The following OR2L13 variants were observed in gnomAD, a reference collection of about 807,000 sequenced individuals.
The protein encoded by OR2L13 is olfactory receptor 2L13.
Under a neutral mutation model 15.3 loss-of-function variants are expected in OR2L13, and 14 were observed. The ratio of observed to expected loss-of-function variants is 0.91; its 90% confidence interval spans 0.60 to 1.43. The LOEUF (loss-of-function observed/expected upper bound fraction) is 1.43. Ranked by LOEUF, OR2L13 falls within the 40% of genes most tolerant of loss-of-function variation. The pLI is 0.00. For missense variants in OR2L13, 367 were observed against 387.9 expected (o/e 0.95, Z 0.45); for synonymous variants, 152 against 142.9 (o/e 1.06, Z -0.45).
chr1:247,967,863 CCTT>C, the OR2L13 span, among the ~76,000 whole-genome samples: 3 of 151,356 alleles, frequency 2.0e-5, no homozygotes, highest in East Asian at 1.9e-4. Flanking sequence ...TCCTCCTCCT[CCTT>C]CTCCTCCTCG....
chr1:247,966,050 T>C, the OR2L13 span: 5 of 1,614,168 alleles, frequency 3.1e-6, no homozygotes, highest in Admixed American at 1.7e-5. Context: ...CTTATTGTGG[T>C]ATTCCAGATG....
At chr1:248,031,752 G>A in the OR2L13 span, among the ~76,000 whole-genome samples, 8 of 152,172 alleles carry the variant, frequency 5.3e-5, no homozygotes, top group African/African-American at 9.7e-5. Flanking sequence ...CTGGTGGAGA[G>A]TGTAAAGGAT....
the OR2L13 span, among the ~76,000 whole-genome samples, chr1:248,043,164 A>C: frequency 2.0e-5 from 3 of 152,112 alleles, no homozygotes; most frequent in African/African-American, 7.2e-5. Context: ...GCTTTGAGCT[A>C]CCCATTCCCA....
chr1:247,983,330 C>T, the OR2L13 span, among the ~76,000 whole-genome samples: 5 of 152,224 alleles, frequency 3.3e-5, no homozygotes, highest in South Asian at 2.1e-4. Context: ...TGCCAGACGT[C>T]GCCCGGGTTG....
At chr1:248,017,470 GCCACTCA>G in the OR2L13 span, among the ~76,000 whole-genome samples, 1 of 152,172 alleles carries the variant, frequency 6.6e-6, no homozygotes, top group Non-Finnish European at 1.5e-5. Context: ...TACGTCTCCT[GCCACTCA>G]CCACTTGCAA....
At chr1:248,085,458 C>T in the OR2L13 span, among the ~76,000 whole-genome samples, 1 of 6,750 alleles carries the variant, frequency 1.5e-4, no homozygotes, top group Non-Finnish European at 7.6e-4. Context: ...AAAATGTGTG[C>T]AGAGAAGCAC....
the OR2L13 span, chr1:248,041,746 AAC>A: frequency 1.3e-5 from 2 of 152,004 alleles, no homozygotes; most frequent in African/African-American, 4.8e-5. Flanking sequence ...GCAGCCAAAA[AAC>A]ACATGAAAAA....
At chr1:247,986,614 T>C in the OR2L13 span, among the ~76,000 whole-genome samples, 1 of 152,232 alleles carries the variant, frequency 6.6e-6, no homozygotes, top group Non-Finnish European at 1.5e-5. Flanking sequence ...TGGTTCCATA[T>C]GAACTTTAAA....
the OR2L13 span, chr1:248,004,142 T>G: frequency 5.5e-6 from 7 of 1,270,144 alleles, no homozygotes; most frequent in Admixed American, 1.8e-4. Flanking sequence ...TAAAATATCA[T>G]TTCATTCCTA....
At chr1:248,055,157 GA>G in the OR2L13 span, among the ~76,000 whole-genome samples, 1 of 152,070 alleles carries the variant, frequency 6.6e-6, no homozygotes, top group African/African-American at 2.4e-5. Context: ...AAGGGAAGTC[GA>G]ATTTTTTTGA....
the OR2L13 span, chr1:247,981,049 G>C: frequency 6.6e-6 from 1 of 152,202 alleles, no homozygotes; most frequent in Admixed American, 6.5e-5. Context: ...GAGCAATAGT[G>C]ACTGTACTTT....
exon 3 of OR2L13, chr1:248,100,832 G>A (rs979614085): frequency 1.2e-5 from 2 of 167,156 alleles, no homozygotes; most frequent in African/African-American, 4.8e-5. Flanking sequence ...GCATGTGTAT[G>A]TGCATGTATG....
At chr1:247,996,067 A>C in the OR2L13 span, among the ~76,000 whole-genome samples, 1 of 152,206 alleles carries the variant, frequency 6.6e-6, no homozygotes, top group Non-Finnish European at 1.5e-5. Flanking sequence ...AAGCATCTCC[A>C]GAAGGCTGAT....
chr1:248,095,585 T>C (rs1316280631), upstream of OR2L13, among the ~76,000 whole-genome samples: 1 of 148,800 alleles, frequency 6.7e-6, no homozygotes, highest in Non-Finnish European at 1.5e-5. Context: ...TTGCAGATTA[T>C]GATGTCACTG....
At chr1:248,027,713 G>A in the OR2L13 span, among the ~76,000 whole-genome samples, 1 of 152,174 alleles carries the variant, frequency 6.6e-6, no homozygotes, top group Non-Finnish European at 1.5e-5. Flanking sequence ...GAAACAGAGA[G>A]TAGAATGGTG....
At chr1:248,060,572 T>G in the OR2L13 span, 1 of 816,668 alleles carries the variant, frequency 1.2e-6, no homozygotes, top group Admixed American at 2.2e-5. Flanking sequence ...TCAACTCCAG[T>G]CTCAAGAATT....
At chr1:248,001,456 G>A in the OR2L13 span, among the ~76,000 whole-genome samples, 404 of 151,538 alleles carry the variant, frequency 2.7e-3, no homozygotes, top group Middle Eastern at 0.01. Flanking sequence ...TGAATTTTTA[G>A]TGAAAAGAAA....
At chr1:248,061,560 C>A in the OR2L13 span, 12 of 1,613,664 alleles carry the variant, frequency 7.4e-6, no homozygotes, top group South Asian at 1.1e-4. Flanking sequence ...GCCTGAGGAA[C>A]AAGGAGGTGA....
At chr1:247,965,892 G>C in the OR2L13 span, 14 of 1,613,316 alleles carry the variant, frequency 8.7e-6, no homozygotes, top group Non-Finnish European at 1.2e-5. Context: ...GTAGGTCTCG[G>C]CTCATTAACC....
Sources: allele counts gnomAD v4.1 joint callset (sites outside exome capture counted in the v4.1 genomes callset), GRCh38; gene constraint gnomAD v4.1.1; transcripts MANE v1.5; gene names NCBI Gene and HGNC (gene_info 2026-07-23, HGNC 2026-07-21).